Variants in PAPPA2 observed in about 807,000 individuals in gnomAD.
The protein encoded by PAPPA2 is pappalysin-2.
In PAPPA2, 86 loss-of-function variants were observed where a neutral mutation model predicts 176.4. The observed-to-expected ratio is 0.49, with a 90% CI of 0.41 to 0.58. The LOEUF (loss-of-function observed/expected upper bound fraction) is 0.58, where lower values mean the gene tolerates loss of function less well. Ranked by LOEUF, PAPPA2 falls within the 20% of genes least tolerant of loss-of-function variation. The pLI, the probability that PAPPA2 is intolerant of heterozygous loss-of-function variation, is 0.00. For synonymous variants in PAPPA2, 809 were observed against 852.2 expected (o/e 0.95, Z 0.88); for missense variants, 2,073 against 2,256.9 (o/e 0.92, Z 1.65).
At chr1:176,585,782 G>T (rs1373972055) in intron 2 of PAPPA2, among the ~76,000 whole-genome samples, 2 of 151,886 alleles carry the variant, frequency 1.3e-5, no homozygotes, top group Non-Finnish European at 2.9e-5. Flanking sequence ...GTTCTTGATT[G>T]TACTTTCTAT....
At chr1:176,496,850 T>C (rs771071415) in intron 1 of PAPPA2, among the ~76,000 whole-genome samples, 3 of 152,200 alleles carry the variant, frequency 2.0e-5, no homozygotes, top group Non-Finnish European at 4.4e-5. Context: ...GAGTGAGGCA[T>C]GGGACTTGTC....
intron 11 of PAPPA2, among the ~76,000 whole-genome samples, chr1:176,711,609 G>A (rs879203553): frequency 2.6e-5 from 4 of 152,156 alleles, no homozygotes; most frequent in South Asian, 2.1e-4. Flanking sequence ...CCCCTGGGCC[G>A]ATGATAAACG....
At chr1:176,560,515 T>C (rs1265340555) in intron 2 of PAPPA2, among the ~76,000 whole-genome samples, 1 of 152,178 alleles carries the variant, frequency 6.6e-6, no homozygotes, top group Non-Finnish European at 1.5e-5. Context: ...AGGAGAGGAC[T>C]GTGTACAACT....
chr1:176,666,561 ATG>A (rs139660279), intron 3 of PAPPA2, among the ~76,000 whole-genome samples: 29,964 of 108,748 alleles, frequency 0.28, 4,279 homozygotes, highest in East Asian at 0.52. Context: ...GTAAATATAT[ATG>A]TGTGTGTGTG....
chr1:176,579,666 T>C (rs1205676511), intron 2 of PAPPA2, among the ~76,000 whole-genome samples: 1 of 152,224 alleles, frequency 6.6e-6, no homozygotes, highest in Non-Finnish European at 1.5e-5. Flanking sequence ...GAACTAATTA[T>C]TTAGTATTTA....
intron 3 of PAPPA2, among the ~76,000 whole-genome samples, chr1:176,663,871 G>T (rs1333503630): frequency 9.2e-5 from 14 of 152,000 alleles, no homozygotes; most frequent in Admixed American, 9.2e-4. Context: ...TTTATATTTT[G>T]TCTTTCTAAG....
intron 7 of PAPPA2, among the ~76,000 whole-genome samples, chr1:176,698,243 G>T (rs981857246): frequency 6.6e-6 from 1 of 152,176 alleles, no homozygotes; most frequent in African/African-American, 2.4e-5. Flanking sequence ...GATCTACACT[G>T]CCCTAGTAAG....
At chr1:176,814,597 G>T (rs1666302523) in intron 21 of PAPPA2, among the ~76,000 whole-genome samples, 1 of 152,104 alleles carries the variant, frequency 6.6e-6, no homozygotes, top group Admixed American at 6.6e-5. Flanking sequence ...TCTGTTTTTA[G>T]TGTACAGGAA....
chr1:176,698,596 T>C (rs1366312830), intron 7 of PAPPA2, among the ~76,000 whole-genome samples: 1 of 152,194 alleles, frequency 6.6e-6, no homozygotes, highest in Non-Finnish European at 1.5e-5. Context: ...GAAATTTCAA[T>C]GTATGGTTTT....
intron 12 of PAPPA2, among the ~76,000 whole-genome samples, chr1:176,725,145 T>C (rs148450636): frequency 7.2e-5 from 11 of 152,326 alleles, no homozygotes; most frequent in Non-Finnish European, 1.3e-4. Context: ...CAAGCATAAC[T>C]ATATCTCAAC....
intron 1 of PAPPA2, among the ~76,000 whole-genome samples, chr1:176,506,841 T>C (rs576905051): frequency 6.6e-6 from 1 of 152,194 alleles, no homozygotes; most frequent in Non-Finnish European, 1.5e-5. Flanking sequence ...ATAAAAATCC[T>C]AGAAGAAAAG....
chr1:176,692,288 T>A lies in PAPPA2; in HGVS notation c.2594T>A (p.Leu865Gln), dbSNP rs1335974708. Residue 865 changes from leucine (L) to glutamine (Q), a missense_variant, in exon 6 of 23, where the codon CTG (leucine) becomes CAG (glutamine). Physicochemically the swap from Leu to Gln is moderately radical, Grantham distance 113 (BLOSUM62 -2). This residue lies in a region of PAPPA2 where 1,196 missense variants were observed against 1,330.4 expected (regional missense o/e 0.90). Transcript: ENST00000367662. ...AACAAGTCCCTCACTATCCACTGGC[T>A]GCCTCCTATTAGTGGAGTTGTATAT... ...QTNKSLTIHW[L>Q]PPISGVVYDR... is the part of the protein sequence containing the mutation. 1 of 1,613,834 alleles carries A rather than the reference T, an allele frequency of 6.2e-7. No individual in the cohort carries two copies. The highest frequency in any genetic ancestry group is 1.1e-5 in the South Asian group (1 of 91,024).
At chr1:176,815,538 A>G (rs892539449) in intron 21 of PAPPA2, among the ~76,000 whole-genome samples, 2 of 152,136 alleles carry the variant, frequency 1.3e-5, no homozygotes, top group Non-Finnish European at 2.9e-5. Context: ...GCATACATGT[A>G]TATGTATTGT....
chr1:176,675,327 CCAAA>C (rs1448746103), intron 4 of PAPPA2, among the ~76,000 whole-genome samples: 3 of 151,896 alleles, frequency 2.0e-5, no homozygotes, highest in African/African-American at 7.3e-5. Flanking sequence ...TGATGATAAA[CCAAA>C]CAAACAAATC....
intron 4 of PAPPA2, among the ~76,000 whole-genome samples, chr1:176,686,500 G>A (rs1465876157): frequency 2.0e-5 from 3 of 152,100 alleles, no homozygotes; most frequent in East Asian, 3.9e-4. Flanking sequence ...TGAGATTTGG[G>A]GTGGGGACAC....
At chr1:176,541,143 G>T (rs772936157) in intron 1 of PAPPA2, among the ~76,000 whole-genome samples, 2 of 152,188 alleles carry the variant, frequency 1.3e-5, no homozygotes, top group East Asian at 3.9e-4. Context: ...TCACTTGATA[G>T]AATGTGCTCT....
chr1:176,774,991 G>T (rs141767990), intron 17 of PAPPA2, among the ~76,000 whole-genome samples: 2 of 152,040 alleles, frequency 1.3e-5, no homozygotes, highest in African/African-American at 4.8e-5. Context: ...AGAGCTCTCC[G>T]TGACAGTGAC....
At chr1:176,791,307 A>G (rs772724564) in intron 18 of PAPPA2, 40 bp from the exon 19 acceptor site, 1 of 1,572,888 alleles carries the variant, frequency 6.4e-7, no homozygotes, top group East Asian at 2.3e-5. Context: ...CAATAAAGTT[A>G]ACAAAACAAT....
chr1:176,826,464 C>A (rs936511476), intron 21 of PAPPA2, among the ~76,000 whole-genome samples: 1 of 152,096 alleles, frequency 6.6e-6, no homozygotes, highest in African/African-American at 2.4e-5. Flanking sequence ...ACAAGACACT[C>A]GCACAGAGAA....
Sources: gnomAD v4.1 joint callset for allele counts (sites outside exome capture counted in the v4.1 genomes callset) on GRCh38, gnomAD v4.1.1 for gene constraint, gnomAD v4.1.1 regional missense constraint, MANE v1.5 for transcripts, NCBI Gene and HGNC (gene_info 2026-07-23, HGNC 2026-07-21) for gene names.